Variants in CEP15 observed in about 807,000 individuals in gnomAD.
The protein encoded by CEP15 is centrosomal protein 15 kDa.
the CEP15 span, among the ~76,000 whole-genome samples, chr3:62,323,345 G>GTGTT: frequency 6.6e-6 from 1 of 152,140 alleles, no homozygotes; most frequent in African/African-American, 2.4e-5. Context: ...CAGAGAAGAA[G>GTGTT]CTAAGCCTAG....
chr3:62,328,257 C>A, the CEP15 span, among the ~76,000 whole-genome samples: 1 of 152,188 alleles, frequency 6.6e-6, no homozygotes, highest in Non-Finnish European at 1.5e-5. Flanking sequence ...TGCATCTAAC[C>A]TTCTTTTTCT....
chr3:62,332,101 C>CAA, the CEP15 span, among the ~76,000 whole-genome samples: 1 of 152,002 alleles, frequency 6.6e-6, no homozygotes, highest in Non-Finnish European at 1.5e-5. Context: ...ATCAAGGATA[C>CAA]AAAAAACTCT....
At chr3:62,330,814 T>TATAA in the CEP15 span, among the ~76,000 whole-genome samples, 1 of 152,192 alleles carries the variant, frequency 6.6e-6, no homozygotes, top group Non-Finnish European at 1.5e-5. Context: ...TTTGCATATA[T>TATAA]ATAAATTTTT....
At chr3:62,331,177 G>T in the CEP15 span, 3 of 589,306 alleles carry the variant, frequency 5.1e-6, no homozygotes, top group South Asian at 4.5e-5. Flanking sequence ...ACAATGATCA[G>T]TTTTCCTACC....
the CEP15 span, among the ~76,000 whole-genome samples, chr3:62,330,094 G>A: frequency 2.0e-5 from 3 of 152,056 alleles, no homozygotes; most frequent in Admixed American, 6.5e-5. Context: ...TAGACAGCAG[G>A]TGCATTAATG....
chr3:62,321,877 A>G, the CEP15 span: 5 of 1,399,592 alleles, frequency 3.6e-6, no homozygotes, highest in South Asian at 6.6e-5. The surrounding 1 kb of genome is among the most constrained non-coding windows in gnomAD (Gnocchi z 4.1). Context: ...GTCAAGCAGT[A>G]AAATGTTTGC....
the CEP15 span, chr3:62,333,150 G>GTA: frequency 3.1e-5 from 28 of 903,784 alleles, no homozygotes; most frequent in East Asian, 2.6e-4. The surrounding 1 kb of genome is among the most constrained non-coding windows in gnomAD (Gnocchi z 4.0). Flanking sequence ...GTGTGTGTGT[G>GTA]TATACACGCA....
chr3:62,333,155 C>A, the CEP15 span: 2 of 1,020,972 alleles, frequency 2.0e-6, no homozygotes, highest in Non-Finnish European at 2.9e-6. The surrounding 1 kb of genome is among the most constrained non-coding windows in gnomAD (Gnocchi z 4.0). Context: ...TGTGTGTATA[C>A]ACGCATACAC....
the CEP15 span, chr3:62,331,459 C>A: frequency 7.5e-7 from 1 of 1,328,434 alleles, no homozygotes; most frequent in East Asian, 2.3e-5. Flanking sequence ...CAGTAGTGCA[C>A]TACAAGTTAA....
the CEP15 span, among the ~76,000 whole-genome samples, chr3:62,332,749 C>CTAATTAAT: frequency 6.6e-6 from 1 of 152,064 alleles, no homozygotes; most frequent in Non-Finnish European, 1.5e-5. Context: ...TCCAATATCT[C>CTAATTAAT]TAATTCCTGT....
At chr3:62,322,465 A>G in the CEP15 span, 1 of 163,182 alleles carries the variant, frequency 6.1e-6, no homozygotes, top group African/African-American at 2.4e-5. This position sits in a 1 kb window ranked among gnomAD's most constrained non-coding sequence, Gnocchi z 5.5. Context: ...AAACAAGAAC[A>G]ATTTGATTTT....
chr3:62,327,072 C>G, the CEP15 span, among the ~76,000 whole-genome samples: 3 of 152,270 alleles, frequency 2.0e-5, no homozygotes, highest in East Asian at 5.8e-4. Context: ...TATCCCCTGA[C>G]CTTTTCATCC....
the CEP15 span, among the ~76,000 whole-genome samples, chr3:62,331,118 CT>C: frequency 2.6e-5 from 4 of 152,036 alleles, no homozygotes; most frequent in East Asian, 3.9e-4. Flanking sequence ...TCCCCCACCC[CT>C]ATCAAAATAA....
chr3:62,326,348 T>G, the CEP15 span, among the ~76,000 whole-genome samples: 8 of 152,232 alleles, frequency 5.3e-5, no homozygotes, highest in Non-Finnish European at 1.0e-4. Context: ...TATCTCATGC[T>G]TTAGTATCTT....
the CEP15 span, among the ~76,000 whole-genome samples, chr3:62,321,238 A>G: frequency 2.0e-5 from 3 of 152,182 alleles, no homozygotes; most frequent in African/African-American, 7.2e-5. This position sits in a 1 kb window ranked among gnomAD's most constrained non-coding sequence, Gnocchi z 4.1. Context: ...AACATATAAA[A>G]TAAGCATTTG....
chr3:62,325,895 G>A, the CEP15 span, among the ~76,000 whole-genome samples: 3 of 151,914 alleles, frequency 2.0e-5, no homozygotes, highest in East Asian at 1.9e-4. Context: ...GTGGTGGTGC[G>A]CGCCTGTAGT....
At chr3:62,331,049 G>C in the CEP15 span, among the ~76,000 whole-genome samples, 1 of 152,078 alleles carries the variant, frequency 6.6e-6, no homozygotes, top group South Asian at 2.1e-4. Flanking sequence ...CTTGGTGCAT[G>C]AATTACTGAC....
the CEP15 span, chr3:62,333,524 A>G: frequency 5.7e-5 from 58 of 1,024,152 alleles, no homozygotes; most frequent in Non-Finnish European, 7.4e-5. The surrounding 1 kb of genome is among the most constrained non-coding windows in gnomAD (Gnocchi z 4.0). Context: ...TGAAGATATG[A>G]GAATTTACTG....
the CEP15 span, chr3:62,335,485 G>A: frequency 7.2e-6 from 1 of 138,152 alleles, no homozygotes; most frequent in African/African-American, 2.8e-5. Flanking sequence ...AATTCCCATA[G>A]GGACCTGGAT....
Sources: allele counts gnomAD v4.1 joint callset (sites outside exome capture counted in the v4.1 genomes callset), GRCh38; gene constraint gnomAD v4.1.1; non-coding constraint Gnocchi (gnomAD v3.1); transcripts MANE v1.5; gene names NCBI Gene and HGNC (gene_info 2026-07-23, HGNC 2026-07-21).